Variants in GHR observed in about 807,000 individuals in gnomAD.
The protein encoded by GHR is growth hormone receptor.
GHR carries 35 observed loss-of-function variants against 67.1 expected under a neutral mutation model. The ratio of observed to expected loss-of-function variants is 0.52; its 90% CI spans 0.40 to 0.69. The LOEUF (loss-of-function observed/expected upper bound fraction) is 0.69. GHR is among the 30% of genes least tolerant of loss of function. The pLI is 0.00. For synonymous variants in GHR, 272 were observed against 269.1 expected (o/e 1.01, Z -0.10); for missense variants, 792 against 764.6 (o/e 1.04, Z -0.42).
At chr5:42,437,867 T>TG (rs1318741517) in intron 1 of GHR, among the ~76,000 whole-genome samples, 2 of 148,578 alleles carry the variant, frequency 1.3e-5, no homozygotes, top group East Asian at 4.0e-4. Context: ...TCCTGTCTTC[T>TG]GAAAAAAAAA....
At chr5:42,505,190 T>C (rs1746716806) in intron 1 of GHR, among the ~76,000 whole-genome samples, 1 of 151,600 alleles carries the variant, frequency 6.6e-6, no homozygotes, top group Non-Finnish European at 1.5e-5. Flanking sequence ...TCTATTATAC[T>C]TTGAACTGTT....
In GHR at chr5:42,424,904, TGTGTGCGCGCGCGA is replaced by T; in HGVS notation, c.-12+958_-12+971del. ...CCTGAATGAGTGTACGTGTGCGCTG[TGTGTGCGCGCGCGA>T]GTGTGCGCCTGGGGAGGCGTGTCGG... On this transcript the variant is annotated intron_variant, in intron 1 of 9. Transcript: ENST00000230882. This position sits in a 1 kb window ranked among gnomAD's most constrained non-coding sequence, Gnocchi z 4.1. The T allele has an allele frequency of 6.1e-6, 4 of 656,292 alleles. No homozygotes were observed. The highest frequency in any genetic ancestry group is 1.4e-4 in the East Asian group (1 of 7,232). 40.7% of individuals were successfully genotyped at this position (656,292 alleles called of 1,614,324 possible).
intron 1 of GHR, among the ~76,000 whole-genome samples, chr5:42,437,890 A>C (rs1055673832): frequency 2.6e-5 from 4 of 151,952 alleles, no homozygotes; most frequent in African/African-American, 9.7e-5. Context: ...AAAGCAAACA[A>C]AAATGTTTAA....
chr5:42,440,652 A>G (rs183538997), intron 1 of GHR, among the ~76,000 whole-genome samples: 16 of 152,334 alleles, frequency 1.1e-4, no homozygotes, highest in Middle Eastern at 6.8e-3. Context: ...CACCTGCTCT[A>G]TTATGAAGCA....
intron 1 of GHR, among the ~76,000 whole-genome samples, chr5:42,446,517 G>A (rs1743813378): frequency 6.6e-6 from 1 of 152,198 alleles, no homozygotes; most frequent in African/African-American, 2.4e-5. Context: ...GGACCTGCAG[G>A]TAGCTGCTAC....
intron 1 of GHR, among the ~76,000 whole-genome samples, chr5:42,450,003 A>G (rs556106552): frequency 1.9e-4 from 29 of 152,226 alleles, no homozygotes; most frequent in African/African-American, 7.0e-4. Flanking sequence ...AACCCGCTTG[A>G]TCATGATGTG....
intron 1 of GHR, among the ~76,000 whole-genome samples, chr5:42,443,390 A>G (rs1178227228): frequency 6.6e-6 from 1 of 152,140 alleles, no homozygotes; most frequent in Non-Finnish European, 1.5e-5. Flanking sequence ...TGGAGTGTTT[A>G]TGAAATGTGT....
chr5:42,672,720 C>T (rs1274429758), intron 3 of GHR, among the ~76,000 whole-genome samples: 2 of 152,002 alleles, frequency 1.3e-5, no homozygotes, highest in Admixed American at 6.6e-5. Flanking sequence ...AAATATATCT[C>T]AAATGATATA....
intron 1 of GHR, among the ~76,000 whole-genome samples, chr5:42,507,721 A>G (rs1178094109): frequency 1.3e-5 from 2 of 152,228 alleles, no homozygotes; most frequent in Admixed American, 1.3e-4. Context: ...CAGAAGAAGG[A>G]AACCGTGTTA....
intron 1 of GHR, among the ~76,000 whole-genome samples, chr5:42,521,619 A>G (rs1380050671): frequency 6.6e-6 from 1 of 152,218 alleles, no homozygotes; most frequent in Non-Finnish European, 1.5e-5. Flanking sequence ...CAAAGAGCCC[A>G]TCTACTTAAA....
At chr5:42,606,001 A>C (rs907269809) in intron 2 of GHR, among the ~76,000 whole-genome samples, 9 of 152,188 alleles carry the variant, frequency 5.9e-5, no homozygotes, top group East Asian at 1.9e-4. Context: ...CTGGTAGTGC[A>C]CATGAGCTCA....
chr5:42,656,698 T>C (rs536830840), intron 3 of GHR, among the ~76,000 whole-genome samples: 5 of 152,182 alleles, frequency 3.3e-5, no homozygotes, highest in Non-Finnish European at 7.4e-5. Context: ...TTAAAAAATA[T>C]ATACAATCAT....
rs1184516476 is a variant in GHR, at chr5:42,718,869, C to T, written c.1362C>T (p.Asn454=). ...QQPSVIQAEK[N]KPQPLPTEGA... is the part of the protein sequence containing the mutation. ...CCAGTGTTATCCAAGCAGAGAAAAA[C>T]AAACCACAACCACTTCCTACTGAAG... The change falls in exon 10 of 10, where the codon AAC becomes AAT. Residue 454 remains asparagine, a synonymous_variant. Transcript: ENST00000230882. The T allele has an allele frequency of 6.2e-7, 1 of 1,614,124 alleles. No homozygotes were observed. The highest frequency in any genetic ancestry group is 1.1e-5 in the South Asian group (1 of 91,078).
At chr5:42,538,089 G>T (rs959482003) in intron 1 of GHR, among the ~76,000 whole-genome samples, 1 of 152,134 alleles carries the variant, frequency 6.6e-6, no homozygotes, top group African/African-American at 2.4e-5. Flanking sequence ...GCAGATACTT[G>T]GTTGGTGAGT....
intron 1 of GHR, among the ~76,000 whole-genome samples, chr5:42,503,859 T>A (rs1353457497): frequency 6.6e-6 from 1 of 152,118 alleles, no homozygotes; most frequent in Non-Finnish European, 1.5e-5. Context: ...GGGGAAGATG[T>A]CAGAGGCTGT....
rs1744700381 is a variant in GHR, at chr5:42,465,728, T to C, written c.-12+41773T>C. Reference sequence around the variant, plus strand: ...AAAAAAAGATCTATCACTTCCACTATACCTATCAAATTCACGTTTGCCACG... The same window carrying C: ...AAAAAAAGATCTATCACTTCCACTACACCTATCAAATTCACGTTTGCCACG... On this transcript the variant is annotated intron_variant, in intron 1 of 9. Coordinates refer to ENST00000230882, the MANE Select transcript of GHR (RefSeq NM_000163.5). 3.3e-6 allele frequency: 3 copies of C among 917,634 alleles called. No homozygotes were observed. The East Asian group carries it at 7.2e-5, about 22-fold the overall frequency. The allele number at this position is 917,634 out of a possible 1,614,324, so 56.8% of individuals were successfully genotyped here. A position where few individuals can be genotyped will look rare whatever the true frequency, so the allele number is the denominator to read the frequency against.
At chr5:42,566,504 A>G (rs1262350613) in intron 2 of GHR, among the ~76,000 whole-genome samples, 1 of 152,170 alleles carries the variant, frequency 6.6e-6, no homozygotes, top group Non-Finnish European at 1.5e-5. Flanking sequence ...CCCCATCTCT[A>G]TAATTCTCCC....
chr5:42,466,805 A>G, intron 1 of GHR: 1 of 990,608 alleles, frequency 1.0e-6, no homozygotes, highest in Non-Finnish European at 1.4e-6. Context: ...TTTATAAAGG[A>G]AGAAGAAAAC....
chr5:42,425,113 C>T lies in GHR; in HGVS notation c.-12+1158C>T, dbSNP rs574970552. The T allele has an allele frequency of 6.4e-5, 40 of 623,642 alleles. 1 individual carries two copies. The South Asian group carries it at 1.6e-3, about 24-fold the overall frequency. The allele number at this position is 623,642 out of a possible 1,614,324, so 38.6% of individuals were successfully genotyped here. A position where few individuals can be genotyped will look rare whatever the true frequency, so the allele number is the denominator to read the frequency against. ...TTAAGTATTAAGGGCTTTAAAATAACTAAACGCATTGCCCTGAGTGGCTGA... is the reference window on the plus strand; with the variant it reads ...TTAAGTATTAAGGGCTTTAAAATAATTAAACGCATTGCCCTGAGTGGCTGA... On this transcript the variant is annotated intron_variant, in intron 1 of 9. Coordinates refer to ENST00000230882, the MANE Select transcript of GHR (RefSeq NM_000163.5).
Sources: allele counts gnomAD v4.1 joint callset (sites outside exome capture counted in the v4.1 genomes callset), GRCh38; gene constraint gnomAD v4.1.1; non-coding constraint Gnocchi (gnomAD v3.1); transcripts MANE v1.5; gene names NCBI Gene and HGNC (gene_info 2026-07-23, HGNC 2026-07-21).